The following SNX9 variants were observed in gnomAD, a reference collection of about 807,000 sequenced individuals.
SNX9 encodes sorting nexin-9.
Under a neutral mutation model 89.4 loss-of-function variants are expected in SNX9, and 44 were observed. The ratio of observed to expected loss-of-function variants is 0.49; its 90% confidence interval spans 0.39 to 0.63. SNX9 has a LOEUF of 0.63. Among genes scored for constraint, SNX9 ranks in the 30% least tolerant of loss-of-function variants. The probability of loss-of-function intolerance (pLI) is 0.00; values close to 1 mark genes in which losing one functional copy is unlikely to be tolerated. For synonymous variants in SNX9, 236 were observed against 247.8 expected (o/e 0.95, Z 0.45); for missense variants, 578 against 736.1 (o/e 0.79, Z 2.49).
At chr6:157,894,095 G>A (rs1419957863) in intron 4 of SNX9, among the ~76,000 whole-genome samples, 2 of 134,806 alleles carry the variant, frequency 1.5e-5, no homozygotes, top group African/African-American at 5.6e-5. Context: ...TTTTCTTTTC[G>A]CTTTTCTTTT....
chr6:157,927,097 A>T lies in SNX9; in HGVS notation c.1081-14A>T, dbSNP rs1373028341. The T allele has an allele frequency of 6.2e-7, 1 of 1,606,224 alleles. No homozygotes were observed. The highest frequency in any genetic ancestry group is 1.3e-5 in the African/African-American group (1 of 74,784). The stretch of plus-strand genomic sequence containing the variant: ...GTGCTCTCCACTTGAACCTTACAAC[A>T]TTCTCATTTACAGGAATGGAAAACT... On this transcript the variant is annotated splice_polypyrimidine_tract_variant and intron_variant, in intron 10 of 17. Transcript: ENST00000392185.
rs1182071452 is a variant in SNX9, at chr6:157,921,539, G to A, written c.958G>A (p.Glu320Lys). The change falls in exon 10 of 18, where the codon GAA becomes AAA. Residue 320 changes from glutamate to lysine, a missense_variant. Around this residue, in one of 2 missense-constraint regions of SNX9, gnomAD observed 348 missense variants for 491.4 expected, o/e 0.71. Transcript: ENST00000392185. Reference protein sequence around the residue: ...LPDKQVTGRFEEEFIKMRMER... With the variant: ...LPDKQVTGRFKEEFIKMRMER... ...TGGTGTGTCGCTTGCAGGCCGCTTT[G>A]AAGAGGAATTTATCAAAATGCGCAT... is the stretch of plus-strand genomic sequence containing the variant. The A allele has an allele frequency of 1.2e-6, 2 of 1,613,450 alleles. No homozygotes were observed. The highest frequency in any genetic ancestry group is 1.7e-6 in the Non-Finnish European group (2 of 1,179,536).
At chr6:157,865,033 A>G (rs1325723275) in intron 1 of SNX9, among the ~76,000 whole-genome samples, 1 of 151,568 alleles carries the variant, frequency 6.6e-6, no homozygotes, top group African/African-American at 2.4e-5. Context: ...CTCAAACAAA[A>G]CAAAACAAAA....
intron 10 of SNX9, among the ~76,000 whole-genome samples, chr6:157,925,998 C>T (rs1459538801): frequency 6.6e-6 from 1 of 152,186 alleles, no homozygotes; most frequent in East Asian, 1.9e-4. Flanking sequence ...AAGGGACAAA[C>T]CCCCTCCATC....
At chr6:157,841,301 A>G (rs1781698060) in intron 1 of SNX9, among the ~76,000 whole-genome samples, 1 of 152,212 alleles carries the variant, frequency 6.6e-6, no homozygotes, top group Non-Finnish European at 1.5e-5. Flanking sequence ...AGGGTCTTCA[A>G]GATGAAGGGC....
At chr6:157,934,776 A>C (rs763755873) in intron 13 of SNX9, among the ~76,000 whole-genome samples, 2 of 152,224 alleles carry the variant, frequency 1.3e-5, no homozygotes, top group Non-Finnish European at 2.9e-5. Context: ...AACAGTGTGA[A>C]CTCATTACAT....
At chr6:157,913,287 ACTAT>A (rs1260936915) in intron 9 of SNX9, among the ~76,000 whole-genome samples, 2 of 151,794 alleles carry the variant, frequency 1.3e-5, no homozygotes, top group Admixed American at 6.6e-5. Flanking sequence ...GGTGCATAAT[ACTAT>A]CTATCTATAT....
At chr6:157,827,234 CA>C (rs1781385257) in intron 1 of SNX9, among the ~76,000 whole-genome samples, 3 of 21,462 alleles carry the variant, frequency 1.4e-4, no homozygotes, top group African/African-American at 4.8e-4. Flanking sequence ...AATATATAAA[CA>C]TATATTATAG....
At chr6:157,856,687 T>C (rs1440480233) in intron 1 of SNX9, among the ~76,000 whole-genome samples, 1 of 152,238 alleles carries the variant, frequency 6.6e-6, no homozygotes, top group Non-Finnish European at 1.5e-5. Flanking sequence ...TGTTTTGTCT[T>C]TGGGACGTAT....
At chr6:157,844,766 T>C (rs903384164) in intron 1 of SNX9, among the ~76,000 whole-genome samples, 3 of 151,866 alleles carry the variant, frequency 2.0e-5, no homozygotes, top group African/African-American at 7.3e-5. Flanking sequence ...GCTAATTTTT[T>C]GTGTTTTTAG....
intron 4 of SNX9, among the ~76,000 whole-genome samples, chr6:157,877,514 G>A (rs1782543708): frequency 6.6e-6 from 1 of 152,200 alleles, no homozygotes; most frequent in Non-Finnish European, 1.5e-5. Flanking sequence ...TAAATACCAT[G>A]AAAGATGTCA....
intron 9 of SNX9, among the ~76,000 whole-genome samples, chr6:157,912,407 A>T (rs773262265): frequency 6.7e-6 from 1 of 148,710 alleles, no homozygotes; most frequent in African/African-American, 2.5e-5. Flanking sequence ...CTCCTTCCAT[A>T]CTAAGATTTG....
intron 4 of SNX9, among the ~76,000 whole-genome samples, chr6:157,878,004 T>A (rs1782552102): frequency 6.6e-6 from 1 of 152,258 alleles, no homozygotes; most frequent in Admixed American, 6.5e-5. Flanking sequence ...ATTCTTAATC[T>A]GTGCTGCATT....
At chr6:157,940,344 T>G (rs956366539) in intron 16 of SNX9, among the ~76,000 whole-genome samples, 4 of 152,232 alleles carry the variant, frequency 2.6e-5, no homozygotes, top group Non-Finnish European at 4.4e-5. Flanking sequence ...CTGTATTGGA[T>G]TTTATAGTTT....
intron 1 of SNX9, among the ~76,000 whole-genome samples, chr6:157,857,469 T>A (rs1056275073): frequency 3.9e-5 from 6 of 152,100 alleles, no homozygotes; most frequent in African/African-American, 1.2e-4. Flanking sequence ...TAAAAAAAAA[T>A]TAATCTTTGA....
chr6:157,920,652 G>A (rs1473588744), intron 9 of SNX9, among the ~76,000 whole-genome samples: 1 of 152,142 alleles, frequency 6.6e-6, no homozygotes, highest in Non-Finnish European at 1.5e-5. Flanking sequence ...TCATTTGGTT[G>A]TTTTTATTAC....
chr6:157,926,780 CAAA>C (rs71027371), intron 10 of SNX9, among the ~76,000 whole-genome samples: 207 of 60,724 alleles, frequency 3.4e-3, no homozygotes, highest in Non-Finnish European at 4.8e-3. Context: ...GACTCTGTCT[CAAA>C]AAAAAAAAAA....
In SNX9 at chr6:157,899,631, G is replaced by A. The variant is rs562516003; in HGVS notation, c.473-2267G>A. ...ACTAAAAATAGAAAAAAAATTAGCC[G>A]GGTGTGGTGGCAGGCGCCTGTAGTC... On this transcript the variant is annotated intron_variant, in intron 5 of 17. Coordinates refer to ENST00000392185, the MANE Select transcript of SNX9 (RefSeq NM_016224.5). Among the ~76,000 whole-genome samples, 21 of 152,188 alleles carry A rather than the reference G, an allele frequency of 1.4e-4. No individual in the cohort carries two copies. In the South Asian group the frequency reaches 2.7e-3, roughly 20 times the overall value.
intron 1 of SNX9, among the ~76,000 whole-genome samples, chr6:157,833,519 G>A (rs1415593602): frequency 6.6e-6 from 1 of 151,668 alleles, no homozygotes; most frequent in Non-Finnish European, 1.5e-5. Context: ...TTCTTCCAGG[G>A]GAAAAAAAGA....
Sources: allele counts gnomAD v4.1 joint callset (sites outside exome capture counted in the v4.1 genomes callset), GRCh38; gene constraint gnomAD v4.1.1; regional missense constraint gnomAD v4.1.1; transcripts MANE v1.5; gene names NCBI Gene and HGNC (gene_info 2026-07-23, HGNC 2026-07-21).